Variants in ITFG1 observed in about 807,000 individuals in gnomAD.
The protein encoded by ITFG1 is T-cell immunomodulatory protein.
In ITFG1, 34 loss-of-function variants were observed where a neutral mutation model predicts 81.8. The ratio of observed to expected loss-of-function variants is 0.42; its 90% CI spans 0.32 to 0.55. The LOEUF is 0.55. ITFG1 is among the 20% of genes least tolerant of loss of function. The pLI is 0.17. For synonymous variants in ITFG1, 285 were observed against 270.6 expected (o/e 1.05, Z -0.52); for missense variants, 672 against 755.4 (o/e 0.89, Z 1.29).
intron 6 of ITFG1, among the ~76,000 whole-genome samples, chr16:47,383,357 G>A (rs774335704): frequency 5.3e-5 from 8 of 152,108 alleles, no homozygotes; most frequent in East Asian, 1.9e-4. Flanking sequence ...GCCCTGACGC[G>A]TTTTCTTAGG....
At chr16:47,260,174 T>C (rs1966192055) in intron 11 of ITFG1, among the ~76,000 whole-genome samples, 1 of 151,946 alleles carries the variant, frequency 6.6e-6, no homozygotes, top group Admixed American at 6.6e-5. Context: ...CCTGACCTCA[T>C]GATCCGCCTG....
At chr16:47,359,439 C>A (rs1283651777) in intron 8 of ITFG1, among the ~76,000 whole-genome samples, 1 of 152,170 alleles carries the variant, frequency 6.6e-6, no homozygotes, top group African/African-American at 2.4e-5. Context: ...AGAAATCAGT[C>A]TTCTTTTTCT....
chr16:47,298,827 G>C (rs1378212428), intron 10 of ITFG1, among the ~76,000 whole-genome samples: 1 of 152,180 alleles, frequency 6.6e-6, no homozygotes, highest in African/African-American at 2.4e-5. Context: ...CATGATAGCA[G>C]TAGGGTTTAT....
intron 8 of ITFG1, among the ~76,000 whole-genome samples, chr16:47,336,069 T>G (rs1173113502): frequency 6.6e-6 from 1 of 152,116 alleles, no homozygotes; most frequent in Non-Finnish European, 1.5e-5. Context: ...ACAATATGAG[T>G]GAACCTTAGA....
At chr16:47,434,657 G>A (rs1021510771) in intron 5 of ITFG1, among the ~76,000 whole-genome samples, 2 of 152,088 alleles carry the variant, frequency 1.3e-5, no homozygotes, top group South Asian at 2.1e-4. Context: ...CTCAAAGACC[G>A]AGAGGCAGAA....
chr16:47,162,475 T>A (rs1964821926), intron 15 of ITFG1, 65 bp downstream of exon 15: 1 of 1,255,430 alleles, frequency 8.0e-7, no homozygotes, highest in Admixed American at 2.4e-5. Flanking sequence ...ATTATTTAAT[T>A]TAAATACTTA....
At chr16:47,363,667 G>C (rs1968138746) in intron 8 of ITFG1, among the ~76,000 whole-genome samples, 1 of 152,024 alleles carries the variant, frequency 6.6e-6, no homozygotes, top group African/African-American at 2.4e-5. Context: ...TTTATTTCTT[G>C]CCATTGTTGA....
intron 6 of ITFG1, among the ~76,000 whole-genome samples, chr16:47,401,905 C>T (rs1199806997): frequency 6.6e-6 from 1 of 152,040 alleles, no homozygotes; most frequent in Non-Finnish European, 1.5e-5. Flanking sequence ...CCCACTACCC[C>T]CCATCCCATG....
intron 13 of ITFG1, among the ~76,000 whole-genome samples, chr16:47,222,345 C>G (rs1965701608): frequency 1.3e-5 from 2 of 151,508 alleles, no homozygotes; most frequent in Non-Finnish European, 2.9e-5. Context: ...TCATTATGTA[C>G]CCAGTAGTCA....
intron 13 of ITFG1, among the ~76,000 whole-genome samples, chr16:47,227,014 T>C (rs1965766145): frequency 6.6e-6 from 1 of 152,204 alleles, no homozygotes; most frequent in South Asian, 2.1e-4. Flanking sequence ...TTGGGGTCCA[T>C]AGACCAAGAA....
chr16:47,337,111 C>A, intron 8 of ITFG1, among the ~76,000 whole-genome samples: 1 of 138,536 alleles, frequency 7.2e-6, no homozygotes, highest in African/African-American at 2.6e-5. Context: ...GCACTCCAAC[C>A]TGGGTGACAA....
chr16:47,260,296 G>A (rs981175647), intron 11 of ITFG1, among the ~76,000 whole-genome samples: 1 of 152,134 alleles, frequency 6.6e-6, no homozygotes, highest in Middle Eastern at 3.2e-3. Flanking sequence ...AGAGCATGAT[G>A]CTTTAGTGGT....
intron 6 of ITFG1, among the ~76,000 whole-genome samples, chr16:47,414,100 C>T (rs989972644): frequency 6.6e-6 from 1 of 151,866 alleles, no homozygotes; most frequent in Non-Finnish European, 1.5e-5. Flanking sequence ...GGATTACAGG[C>T]GTGAGCCACC....
At chr16:47,372,456 T>TC (rs1491244985) in intron 7 of ITFG1, among the ~76,000 whole-genome samples, 1 of 137,780 alleles carries the variant, frequency 7.3e-6, no homozygotes, top group Non-Finnish European at 1.5e-5. Context: ...TATTTCTCTC[T>TC]TTTTTTTTTT....
intron 5 of ITFG1, among the ~76,000 whole-genome samples, chr16:47,433,658 G>A (rs1969121137): frequency 6.6e-6 from 1 of 151,406 alleles, no homozygotes; most frequent in Admixed American, 6.6e-5. Context: ...TGATCCTTAA[G>A]AGTTTATTTT....
intron 5 of ITFG1, chr16:47,449,383 T>C (rs1969361299): frequency 6.6e-6 from 1 of 152,258 alleles, no homozygotes; most frequent in African/African-American, 2.4e-5. Flanking sequence ...ATCTTATCTG[T>C]TGTTTATAAA....
chr16:47,315,014 C>T (rs1421719669), intron 8 of ITFG1, among the ~76,000 whole-genome samples: 1 of 152,030 alleles, frequency 6.6e-6, no homozygotes, highest in Non-Finnish European at 1.5e-5. Flanking sequence ...AAACTGACTT[C>T]AGCATGGAAA....
intron 8 of ITFG1, among the ~76,000 whole-genome samples, chr16:47,319,531 C>A (rs1434904496): frequency 6.6e-6 from 1 of 152,130 alleles, no homozygotes; most frequent in East Asian, 1.9e-4. Flanking sequence ...ATACTTGGTA[C>A]GCAGATGTGT....
chr16:47,184,517 C>A (rs1435177190), intron 14 of ITFG1, among the ~76,000 whole-genome samples: 17 of 152,160 alleles, frequency 1.1e-4, no homozygotes, highest in Admixed American at 3.9e-4. Context: ...AATTTCATAT[C>A]CAGCCAAACT....
Sources: allele counts gnomAD v4.1 joint callset (sites outside exome capture counted in the v4.1 genomes callset), GRCh38; gene constraint gnomAD v4.1.1; transcripts MANE v1.5; gene names NCBI Gene and HGNC (gene_info 2026-07-23, HGNC 2026-07-21).